SLC5A4: variants seen among roughly 807,000 people sequenced by gnomAD.
SLC5A4 encodes solute carrier family 5 member 4, also known as probable glucose sensor protein SLC5A4.
A neutral mutation model predicts 70.3 loss-of-function variants in SLC5A4; 55 were observed. The ratio of observed to expected loss-of-function variants is 0.78; its 90% CI spans 0.63 to 0.98. The LOEUF is 0.98. SLC5A4 is among the 50% of genes least tolerant of loss of function. The pLI is 0.00. For synonymous variants in SLC5A4, 268 were observed against 305.7 expected, an observed-to-expected ratio of 0.88 and a Z score of 1.29; for missense variants, 735 against 839.2, an observed-to-expected ratio of 0.88 and a Z score of 1.53.
chr22:32,234,975 G>A lies in SLC5A4; in HGVS notation c.783C>T (p.Asp261=), dbSNP rs767476062. 9 of 1,613,098 alleles carry A rather than the reference G, an allele frequency of 5.6e-6. No homozygotes were observed. The East Asian group carries it at 2.0e-4, about 36-fold the overall frequency. ...ISASCYTPRA[D]SFHIFRDAVT... ...CAGCATCTCGGAAGATGTGGAAGGA[G>A]TCCGCCCGAGGTGTGTAGCAACTGG... Residue 261 remains aspartate (D), a synonymous_variant, in exon 8 of 15, where the codon GAC becomes GAT. Transcript: ENST00000266086.
the SLC5A4 span, among the ~76,000 whole-genome samples, chr22:32,350,403 T>C: frequency 6.6e-6 from 1 of 152,204 alleles, no homozygotes; most frequent in African/African-American, 2.4e-5. Context: ...TGGTAGCTCA[T>C]GGCCCCCTTA....
At chr22:32,321,591 A>T in the SLC5A4 span, among the ~76,000 whole-genome samples, 2 of 152,036 alleles carry the variant, frequency 1.3e-5, no homozygotes, top group Non-Finnish European at 2.9e-5. Flanking sequence ...CCCATTAGTT[A>T]TTTTTTCCTG....
intron 5 of SLC5A4, among the ~76,000 whole-genome samples, chr22:32,245,957 C>T (rs554046208): frequency 3.3e-5 from 5 of 152,336 alleles, no homozygotes; most frequent in East Asian, 1.9e-4. Context: ...CCCTCTGCCT[C>T]GCCTAACCTT....
At chr22:32,252,254 G>A (rs1268214565) in intron 2 of SLC5A4, among the ~76,000 whole-genome samples, 2 of 149,734 alleles carry the variant, frequency 1.3e-5, no homozygotes, top group African/African-American at 4.9e-5. Flanking sequence ...AAAGAAAATA[G>A]ACAGATGCTG....
intron 5 of SLC5A4, among the ~76,000 whole-genome samples, chr22:32,239,521 TATATATATATATATA>T (rs1569374568): frequency 5.6e-3 from 30 of 5,370 alleles, no homozygotes; most frequent in Non-Finnish European, 7.1e-3. Context: ...GTGCATATTA[TATATATATATATATA>T]TATATATATA....
chr22:32,333,413 G>C, the SLC5A4 span, among the ~76,000 whole-genome samples: 5 of 152,164 alleles, frequency 3.3e-5, no homozygotes, highest in Non-Finnish European at 7.4e-5. Flanking sequence ...GAGGTGAATG[G>C]GTGTAGGTAA....
chr22:32,350,289 C>T, the SLC5A4 span, among the ~76,000 whole-genome samples: 4 of 152,090 alleles, frequency 2.6e-5, no homozygotes, highest in Admixed American at 2.6e-4. Flanking sequence ...GGAAGTGCCA[C>T]GCAGTTTAAA....
the SLC5A4 span, among the ~76,000 whole-genome samples, chr22:32,329,314 G>A: frequency 2.0e-5 from 3 of 152,184 alleles, no homozygotes; most frequent in Non-Finnish European, 4.4e-5. Flanking sequence ...GGAGATTTCT[G>A]TGAGGACATG....
At chr22:32,241,817 ATG>A (rs1423874851) in intron 5 of SLC5A4, among the ~76,000 whole-genome samples, 1 of 140,722 alleles carries the variant, frequency 7.1e-6, no homozygotes, top group African/African-American at 2.8e-5. Flanking sequence ...ATATATCTGT[ATG>A]TGTGTGTGTA....
intron 2 of SLC5A4, among the ~76,000 whole-genome samples, chr22:32,253,640 C>G (rs117725727): frequency 6.6e-6 from 1 of 152,088 alleles, no homozygotes; most frequent in Non-Finnish European, 1.5e-5. Context: ...CAGACTGAAC[C>G]GGCTGTCATA....
the SLC5A4 span, among the ~76,000 whole-genome samples, chr22:32,290,350 T>C: frequency 6.6e-6 from 1 of 152,202 alleles, no homozygotes; most frequent in Non-Finnish European, 1.5e-5. Context: ...TGGTGTTTTC[T>C]CTTCCTGTGT....
chr22:32,240,022 CAAAAAA>C (rs35616277), intron 5 of SLC5A4, among the ~76,000 whole-genome samples: 3 of 74,104 alleles, frequency 4.0e-5, no homozygotes, highest in African/African-American at 1.1e-4. Flanking sequence ...GACTCCATCT[CAAAAAA>C]AAAAAAAAAA....
chr22:32,307,479 A>T, the SLC5A4 span, among the ~76,000 whole-genome samples: 1 of 152,172 alleles, frequency 6.6e-6, no homozygotes, highest in South Asian at 2.1e-4. Flanking sequence ...GGTTCCCAGA[A>T]GGGCCCTGGG....
the SLC5A4 span, among the ~76,000 whole-genome samples, chr22:32,283,682 G>A: frequency 6.6e-6 from 1 of 152,200 alleles, no homozygotes. Flanking sequence ...ATAGTAAAAT[G>A]AGGTAAGATA....
chr22:32,279,465 G>C, the SLC5A4 span, among the ~76,000 whole-genome samples: 3 of 152,074 alleles, frequency 2.0e-5, no homozygotes, highest in Admixed American at 6.5e-5. Flanking sequence ...AAACAAAGCA[G>C]GTCATCTGCC....
the SLC5A4 span, among the ~76,000 whole-genome samples, chr22:32,313,179 G>A: frequency 6.6e-6 from 1 of 152,130 alleles, no homozygotes; most frequent in Non-Finnish European, 1.5e-5. Context: ...CATACATAGA[G>A]GTATAATAGT....
intron 7 of SLC5A4, 24 bp downstream of exon 7, chr22:32,237,220 A>G (rs776594260): frequency 7.7e-6 from 12 of 1,557,088 alleles, no homozygotes; most frequent in Admixed American, 5.1e-5. Context: ...GGCCCTGGGC[A>G]CTGCACGCAG....
At chr22:32,251,547 C>T (rs1444310814) in intron 3 of SLC5A4, among the ~76,000 whole-genome samples, 1 of 151,730 alleles carries the variant, frequency 6.6e-6, no homozygotes, top group Non-Finnish European at 1.5e-5. Flanking sequence ...TGCCCTATTG[C>T]CCTTCCACCT....
the SLC5A4 span, chr22:32,343,215 C>A: frequency 6.6e-6 from 1 of 152,196 alleles, no homozygotes; most frequent in Non-Finnish European, 1.5e-5. Context: ...TTTTTCCTAA[C>A]CATCTTCCAG....
Sources: gnomAD v4.1 joint callset for allele counts (sites outside exome capture counted in the v4.1 genomes callset) on GRCh38, gnomAD v4.1.1 for gene constraint, MANE v1.5 for transcripts, NCBI Gene and HGNC (gene_info 2026-07-23, HGNC 2026-07-21) for gene names.